The following ATP2C1 variants were observed in gnomAD, a reference collection of about 807,000 sequenced individuals.
ATP2C1 encodes ATPase secretory pathway Ca2+ transporting 1.
A neutral mutation model predicts 120.5 loss-of-function variants in ATP2C1; 31 were observed. That is an observed-to-expected ratio of 0.26 (90% CI 0.19 to 0.35). The LOEUF (loss-of-function observed/expected upper bound fraction) is 0.35. Among genes scored for constraint, ATP2C1 ranks in the 10% least tolerant of loss-of-function variants. ATP2C1 has a pLI of 1.00. For synonymous variants in ATP2C1, 351 were observed against 358.7 expected (o/e 0.98, Z 0.24); for missense variants, 731 against 1,107.5 (o/e 0.66, Z 4.83).
chr3:130,993,352 G>A (rs1237960902), intron 21 of ATP2C1, among the ~76,000 whole-genome samples: 2 of 152,200 alleles, frequency 1.3e-5, no homozygotes, highest in East Asian at 3.8e-4. Flanking sequence ...TTGTGACAGT[G>A]TGAACAGTGC....
intron 1 of ATP2C1, among the ~76,000 whole-genome samples, chr3:130,853,898 T>C (rs529324470): frequency 1.3e-5 from 2 of 152,318 alleles, no homozygotes; most frequent in Admixed American, 1.3e-4. Context: ...GACACAGACC[T>C]CCTTTGTTGT....
rs2062878607 is a variant in ATP2C1, at chr3:131,001,380, AG to A, written c.*32del. The stretch of plus-strand genomic sequence containing the variant: ...TATTGCATTATTTTATTTGCAAACT[AG>A]GAATTGCAGTCTGAGGATCATTTAG... On this transcript the variant is annotated 3_prime_UTR_variant, in exon 28 of 28. Coordinates refer to ENST00000510168, the MANE Select transcript of ATP2C1 (RefSeq NM_001378687.1). 6.2e-7 allele frequency: 1 copy of A among 1,608,880 alleles called. No homozygotes were observed. The highest frequency in any genetic ancestry group is 8.5e-7 in the Non-Finnish European group (1 of 1,177,120).
upstream of ATP2C1, among the ~76,000 whole-genome samples, chr3:130,891,660 C>T (rs1469711394): frequency 6.6e-6 from 1 of 152,180 alleles, no homozygotes; most frequent in Non-Finnish European, 1.5e-5. Flanking sequence ...CCTTGATTCT[C>T]TCTATAATAA....
At chr3:130,923,959 C>G (rs114100983) in intron 2 of ATP2C1, among the ~76,000 whole-genome samples, 8 of 151,124 alleles carry the variant, frequency 5.3e-5, no homozygotes, top group African/African-American at 1.9e-4. Flanking sequence ...TTATGTGAGT[C>G]CTTCTGTGTT....
At chr3:130,929,721 G>A (rs1003439637) in intron 2 of ATP2C1, 1 of 153,848 alleles carries the variant, frequency 6.5e-6, no homozygotes, top group Non-Finnish European at 1.5e-5. Flanking sequence ...TTCTAGAGTT[G>A]TGTTAAACAG....
At chr3:130,918,418 C>A (rs923898923) in intron 2 of ATP2C1, 4 of 1,062,670 alleles carry the variant, frequency 3.8e-6, no homozygotes, top group Non-Finnish European at 5.9e-6. Flanking sequence ...TTCTCAGCAG[C>A]ATGTACGGAA....
intron 2 of ATP2C1, among the ~76,000 whole-genome samples, chr3:130,904,745 C>G (rs1233110030): frequency 6.6e-6 from 1 of 152,022 alleles, no homozygotes; most frequent in African/African-American, 2.4e-5. Flanking sequence ...TGGTTCTTAA[C>G]TGGCAGCAGT....
chr3:130,876,821 G>A (rs1357926239), intron 1 of ATP2C1, among the ~76,000 whole-genome samples: 1 of 151,124 alleles, frequency 6.6e-6, no homozygotes, highest in Non-Finnish European at 1.5e-5. Context: ...CATTGTAGAG[G>A]TCTTTCACCT....
intron 20 of ATP2C1, among the ~76,000 whole-genome samples, chr3:130,991,100 T>C (rs2062318901): frequency 6.6e-6 from 1 of 152,068 alleles, no homozygotes. Flanking sequence ...AGACCTCTTA[T>C]AGAGAAAGGA....
At chr3:130,930,332 T>A in intron 2 of ATP2C1, 84 bp from the exon 3 acceptor site, 1 of 882,728 alleles carries the variant, frequency 1.1e-6, no homozygotes, top group Non-Finnish European at 1.9e-6. Context: ...TTAGTTGCTG[T>A]GAACTTTTGG....
intron 5 of ATP2C1, among the ~76,000 whole-genome samples, chr3:130,935,075 C>G (rs1173549709): frequency 6.6e-6 from 1 of 152,122 alleles, no homozygotes; most frequent in African/African-American, 2.4e-5. Context: ...TCAAGTGATT[C>G]TCCCACCTTG....
At chr3:130,878,038 A>T (rs917417707) in intron 1 of ATP2C1, among the ~76,000 whole-genome samples, 7 of 151,100 alleles carry the variant, frequency 4.6e-5, no homozygotes, top group Non-Finnish European at 2.9e-5. Context: ...TATCACAAGG[A>T]CACAAAACCA....
In ATP2C1 at chr3:130,967,562, G is replaced by A. The variant is rs534376171; in HGVS notation, c.1308+143G>A. ...TTTCATTGTTTTTACTATCTTTTAG[G>A]TATCAGTTTTATTCCTATAAATGTA... On this transcript the variant is annotated intron_variant, in intron 16 of 27. Coordinates refer to ENST00000510168, the MANE Select transcript of ATP2C1 (RefSeq NM_001378687.1). 2.1e-5 allele frequency: 15 copies of A among 722,240 alleles called. No homozygotes were observed. The African/African-American group carries it at 2.3e-4, about 11-fold the overall frequency. 44.7% of individuals were successfully genotyped at this position (722,240 alleles called of 1,614,324 possible).
At position 130,959,345 on chromosome 3, in the gene ATP2C1, A is replaced by T. The variant is rs200599592; in HGVS notation, c.899+4A>T. On this transcript the variant is annotated splice_donor_region_variant and intron_variant, in intron 12 of 27. Transcript: ENST00000510168. ...AAATGTTTACTATTAGTGTAAGGTA[A>T]GTCTCAATACTTTATAATTGGAGTC... 1.0e-5 allele frequency: 16 copies of T among 1,592,452 alleles called. No homozygotes were observed. The African/African-American group carries it at 1.9e-4, about 19-fold the overall frequency.
intron 8 of ATP2C1, among the ~76,000 whole-genome samples, chr3:130,944,553 A>G (rs1012205809): frequency 6.6e-6 from 1 of 152,148 alleles, no homozygotes; most frequent in African/African-American, 2.4e-5. Context: ...GACTAGCCTC[A>G]TGACCGCATC....
upstream of ATP2C1, among the ~76,000 whole-genome samples, chr3:130,889,436 A>C (rs1233596618): frequency 6.6e-6 from 1 of 152,178 alleles, no homozygotes; most frequent in Non-Finnish European, 1.5e-5. Context: ...TCTCAAATGC[A>C]TGGAAACAAG....
intron 1 of ATP2C1, among the ~76,000 whole-genome samples, chr3:130,861,334 T>C (rs1168749168): frequency 6.6e-6 from 1 of 152,202 alleles, no homozygotes; most frequent in Non-Finnish European, 1.5e-5. Context: ...CATGCAATTA[T>C]GGAGGCAGAG....
intron 26 of ATP2C1, chr3:131,014,504 T>G: frequency 2.1e-6 from 2 of 953,454 alleles, no homozygotes; most frequent in Non-Finnish European, 3.0e-6. Context: ...TATTGCTCTA[T>G]AATATTATCG....
intron 25 of ATP2C1, 93 bp downstream of exon 25, chr3:130,997,846 A>T (rs1233325417): frequency 7.5e-7 from 1 of 1,341,416 alleles, no homozygotes; most frequent in Non-Finnish European, 1.1e-6. Flanking sequence ...GAAGGCTGGG[A>T]AGTTAAGGGA....
Sources: allele counts gnomAD v4.1 joint callset (sites outside exome capture counted in the v4.1 genomes callset), GRCh38; gene constraint gnomAD v4.1.1; transcripts MANE v1.5; gene names NCBI Gene and HGNC (gene_info 2026-07-23, HGNC 2026-07-21).